The following MFAP1 variants were observed in gnomAD, a reference collection of about 807,000 sequenced individuals.
MFAP1 encodes the protein microfibrillar-associated protein 1.
Under a neutral mutation model 62.2 loss-of-function variants are expected in MFAP1, and 18 were observed. The observed-to-expected ratio is 0.29, with a 90% confidence interval of 0.20 to 0.43. MFAP1 has a LOEUF of 0.43. MFAP1 is among the 20% of genes least tolerant of loss of function. MFAP1 has a pLI of 1.00. For synonymous variants in MFAP1, 175 were observed against 180.4 expected, an observed-to-expected ratio of 0.97 and a Z score of 0.24; for missense variants, 355 against 559.7, an observed-to-expected ratio of 0.63 and a Z score of 3.69.
intron 7 of MFAP1, 68 bp downstream of exon 7, chr15:43,809,687 G>A (rs1596055454): frequency 6.5e-7 from 1 of 1,549,734 alleles, no homozygotes; most frequent in Non-Finnish European, 8.8e-7. Context: ...TTCTTGAAGA[G>A]AAAAATAATT....
chr15:43,807,189 A>G (rs1027246127), intron 7 of MFAP1, among the ~76,000 whole-genome samples: 5 of 151,772 alleles, frequency 3.3e-5, no homozygotes, highest in Non-Finnish European at 5.9e-5. Flanking sequence ...CGTCTCTACT[A>G]AAAATACAAA....
chr15:43,816,560 C>G (rs1467928426), intron 2 of MFAP1, among the ~76,000 whole-genome samples: 1 of 152,110 alleles, frequency 6.6e-6, no homozygotes, highest in Non-Finnish European at 1.5e-5. Context: ...CACTGTTAAT[C>G]TTCAAGTGGC....
intron 2 of MFAP1, 68 bp from the exon 3 acceptor site, chr15:43,815,142 A>G: frequency 6.3e-7 from 1 of 1,595,202 alleles, no homozygotes; most frequent in Non-Finnish European, 8.6e-7. Context: ...CTGCATTTCC[A>G]TAGCCACAGA....
intron 6 of MFAP1, among the ~76,000 whole-genome samples, chr15:43,810,354 A>G (rs1394370292): frequency 6.6e-6 from 1 of 151,408 alleles, no homozygotes; most frequent in Non-Finnish European, 1.5e-5. Context: ...ATTAGATTGC[A>G]GTAACTTTTT....
intron 1 of MFAP1, among the ~76,000 whole-genome samples, chr15:43,819,480 T>TA (rs1185393803): frequency 6.6e-6 from 1 of 152,124 alleles, no homozygotes; most frequent in Admixed American, 6.6e-5. Context: ...AAATAATAGA[T>TA]ACAGCAGACT....
At chr15:43,815,430 A>G (rs1020701308) in intron 2 of MFAP1, among the ~76,000 whole-genome samples, 8 of 152,100 alleles carry the variant, frequency 5.3e-5, no homozygotes, top group Admixed American at 3.3e-4. Flanking sequence ...TGCCCACCTC[A>G]GCCTCTCAAA....
At chr15:43,817,086 G>A in intron 2 of MFAP1, 143 bp downstream of exon 2, 1 of 839,150 alleles carries the variant, frequency 1.2e-6, no homozygotes, top group Non-Finnish European at 1.8e-6. Context: ...GGGGATAATA[G>A]CACCTATTTC....
chr15:43,819,161 C>A (rs2087452493), intron 1 of MFAP1, among the ~76,000 whole-genome samples: 1 of 152,024 alleles, frequency 6.6e-6, no homozygotes, highest in Admixed American at 6.6e-5. Flanking sequence ...CTACTGCACT[C>A]CAGCCTGGGC....
chr15:43,806,853 C>G (rs1339972549), intron 7 of MFAP1, among the ~76,000 whole-genome samples: 1 of 151,956 alleles, frequency 6.6e-6, no homozygotes, highest in Admixed American at 6.6e-5. Flanking sequence ...GCCTGGGTGA[C>G]AGAGCGAGAT....
intron 2 of MFAP1, among the ~76,000 whole-genome samples, chr15:43,816,638 G>C (rs894496373): frequency 2.0e-5 from 3 of 152,108 alleles, no homozygotes; most frequent in African/African-American, 7.2e-5. Flanking sequence ...AAAATAAACA[G>C]AACTGTTTTG....
In MFAP1 at chr15:43,815,066, C is replaced by T. The variant is rs2087425500; in HGVS notation, c.308G>A (p.Arg103Gln). The T allele has an allele frequency of 4.3e-6, 7 of 1,613,936 alleles. No individual in the cohort carries two copies. Among genetic ancestry groups the T allele is most frequent in the Non-Finnish European group, 5.9e-6 (7 of 1,180,016 alleles). ...ISEDVEERLA[R>Q]HRKIVEPEVV... ...TTCAGGTTCCACTATTTTTCGATGTCGAGCCAATCTGAAAAACAGTATCTC... is the reference window on the plus strand; with the variant it reads ...TTCAGGTTCCACTATTTTTCGATGTTGAGCCAATCTGAAAAACAGTATCTC... The change falls in exon 3 of 9, where the codon CGA (arginine) becomes CAA (glutamine). Residue 103 changes from arginine to glutamine, a missense_variant. Arg to Gln is a conservative substitution (Grantham distance 43). Coordinates refer to ENST00000267812, the MANE Select transcript of MFAP1 (RefSeq NM_005926.3).
intron 2 of MFAP1, among the ~76,000 whole-genome samples, chr15:43,815,276 C>T (rs2087427427): frequency 6.6e-6 from 1 of 151,964 alleles, no homozygotes; most frequent in African/African-American, 2.4e-5. Flanking sequence ...GCCTCCCAGA[C>T]TCAAGTGATC....
intron 7 of MFAP1, 45 bp downstream of exon 7, chr15:43,809,710 G>A: frequency 6.3e-7 from 1 of 1,592,226 alleles, no homozygotes. Flanking sequence ...AAGTTTCTGA[G>A]TTATTCCTAC....
At chr15:43,817,877 C>T (rs2087443938) in intron 1 of MFAP1, among the ~76,000 whole-genome samples, 1 of 152,258 alleles carries the variant, frequency 6.6e-6, no homozygotes, top group South Asian at 2.1e-4. Flanking sequence ...TCTTGTAGTT[C>T]CCTCTGGAAT....
chr15:43,809,734 G>C (rs1164603071), intron 7 of MFAP1, 21 bp downstream of exon 7: 14 of 1,606,024 alleles, frequency 8.7e-6, no homozygotes, highest in Non-Finnish European at 1.2e-5. Context: ...CCAATTTTCT[G>C]ACTCTCTTTT....
At chr15:43,820,669 AAT>A (rs2087461903) in intron 1 of MFAP1, among the ~76,000 whole-genome samples, 1 of 152,136 alleles carries the variant, frequency 6.6e-6, no homozygotes, top group Non-Finnish European at 1.5e-5. Flanking sequence ...GCGGTGGCGC[AAT>A]CATGGCTCAC....
In MFAP1 at chr15:43,820,343, A is replaced by G. The variant is rs944063936; in HGVS notation, c.80-2895T>C. Among the ~76,000 whole-genome samples the G allele has an allele frequency of 2.0e-5, 3 of 152,208 alleles. No homozygotes were observed. In the East Asian group the frequency reaches 5.8e-4, roughly 29 times the overall value. ...AAAAAAACAAACAACAACAACAAAA[A>G]AAACCAGTGAGCATCCTAATGTTGT... On this transcript the variant is annotated intron_variant, in intron 1 of 8. Coordinates refer to ENST00000267812, the MANE Select transcript of MFAP1 (RefSeq NM_005926.3).
Position 43,815,061 on chromosome 15 carries a change from G to C in MFAP1, c.313C>G (p.Arg105Gly). The change falls in exon 3 of 9, where the codon CGA (arginine) becomes GGA (glycine). Residue 105 changes from arginine (R) to glycine (G), a missense_variant. Around this residue, in one of 6 missense-constraint regions of MFAP1, gnomAD observed 257 missense variants for 341.3 expected, o/e 0.75. Transcript: ENST00000267812. ...ACCACTTCAGGTTCCACTATTTTTC[G>C]ATGTCGAGCCAATCTGAAAAACAGT... ...EDVEERLARH[R>G]KIVEPEVVGE... The C allele has an allele frequency of 6.2e-7, 1 of 1,613,762 alleles. No homozygotes were observed. The highest frequency in any genetic ancestry group is 8.5e-7 in the Non-Finnish European group (1 of 1,179,976).
At chr15:43,808,791 G>C (rs917342792) in intron 7 of MFAP1, among the ~76,000 whole-genome samples, 1 of 152,264 alleles carries the variant, frequency 6.6e-6, no homozygotes, top group Non-Finnish European at 1.5e-5. Flanking sequence ...TTTAGTTGCA[G>C]TGGGGATATT....
Sources: allele counts gnomAD v4.1 joint callset (sites outside exome capture counted in the v4.1 genomes callset), GRCh38; gene constraint gnomAD v4.1.1; regional missense constraint gnomAD v4.1.1; transcripts MANE v1.5; gene names NCBI Gene and HGNC (gene_info 2026-07-23, HGNC 2026-07-21).